Variants in SLC8A1 observed in about 807,000 individuals in gnomAD.
SLC8A1 encodes the protein solute carrier family 8 member A1, also known as sodium/calcium exchanger 1.
Under a neutral mutation model 68.3 loss-of-function variants are expected in SLC8A1, and 18 were observed. The ratio of observed to expected loss-of-function variants is 0.26; its 90% CI spans 0.18 to 0.39. The LOEUF (loss-of-function observed/expected upper bound fraction) is 0.39. SLC8A1 is among the 10% of genes least tolerant of loss of function. The pLI is 1.00. For synonymous variants in SLC8A1, 475 were observed against 415.5 expected, an observed-to-expected ratio of 1.14 and a Z score of -1.74; for missense variants, 985 against 1,156.7, an observed-to-expected ratio of 0.85 and a Z score of 2.15.
chr2:40,374,430 T>C (rs554105212), intron 2 of SLC8A1, among the ~76,000 whole-genome samples: 1 of 151,908 alleles, frequency 6.6e-6, no homozygotes. Context: ...AAATAATTTA[T>C]ATATGGAAAG....
chr2:40,209,155 C>G (rs2148762339), intron 2 of SLC8A1: 1 of 151,846 alleles, frequency 6.6e-6, no homozygotes, highest in Admixed American at 6.6e-5. Context: ...TACAGGAAAG[C>G]TAGGGAGATG....
chr2:40,503,487 G>T (rs914293505), intron 1 of SLC8A1, among the ~76,000 whole-genome samples: 1 of 151,950 alleles, frequency 6.6e-6, no homozygotes, highest in Non-Finnish European at 1.5e-5. Context: ...GATATAAAGG[G>T]CATCCATATT....
At chr2:40,212,281 A>ATTTTTT (rs371395367) in intron 2 of SLC8A1, among the ~76,000 whole-genome samples, 1 of 118,212 alleles carries the variant, frequency 8.5e-6, no homozygotes, top group East Asian at 2.2e-4. Flanking sequence ...GAGATGCAAT[A>ATTTTTT]TCTTTTTTTT....
intron 2 of SLC8A1, among the ~76,000 whole-genome samples, chr2:40,293,305 T>C (rs17025769): frequency 0.28 from 42,634 of 151,874 alleles, 6,061 homozygotes; most frequent in East Asian, 0.38. Context: ...GAAGTAGGAG[T>C]TACATAAATA....
At chr2:40,368,535 T>TA (rs946541523) in intron 2 of SLC8A1, among the ~76,000 whole-genome samples, 3 of 152,000 alleles carry the variant, frequency 2.0e-5, no homozygotes, top group South Asian at 2.1e-4. Flanking sequence ...TGATTTTATT[T>TA]AAAAAAACAG....
upstream of SLC8A1, among the ~76,000 whole-genome samples, chr2:40,455,047 G>A (rs907395859): frequency 2.6e-5 from 4 of 152,162 alleles, no homozygotes; most frequent in Admixed American, 2.6e-4. Flanking sequence ...GGTCTCCACT[G>A]TTATCTAACC....
chr2:40,428,043 T>C (rs745588652), intron 2 of SLC8A1, among the ~76,000 whole-genome samples: 4 of 152,142 alleles, frequency 2.6e-5, no homozygotes, highest in Non-Finnish European at 5.9e-5. Context: ...GTGTTTCCTT[T>C]TTGGGTTTTC....
intron 1 of SLC8A1, among the ~76,000 whole-genome samples, chr2:40,444,242 G>A (rs1489284097): frequency 6.6e-6 from 1 of 152,150 alleles, no homozygotes; most frequent in African/African-American, 2.4e-5. Context: ...AGGAGGCTGA[G>A]CCAGGAGGAT....
intron 2 of SLC8A1, among the ~76,000 whole-genome samples, chr2:40,316,441 C>G (rs776419466): frequency 7.2e-5 from 11 of 151,962 alleles, no homozygotes; most frequent in Non-Finnish European, 2.9e-5. Flanking sequence ...TATAGGAACA[C>G]AAAATTTGGT....
At chr2:40,266,684 G>T (rs1298925485) in intron 2 of SLC8A1, among the ~76,000 whole-genome samples, 1 of 152,166 alleles carries the variant, frequency 6.6e-6, no homozygotes, top group Admixed American at 6.5e-5. Flanking sequence ...TGCACATTGT[G>T]TACCTCATCC....
chr2:40,364,761 CCTTA>C (rs1340180666), intron 2 of SLC8A1, among the ~76,000 whole-genome samples: 4 of 151,958 alleles, frequency 2.6e-5, no homozygotes, highest in Admixed American at 6.6e-5. Flanking sequence ...CCTGGAAAGC[CCTTA>C]CTTGTCAGCC....
intron 2 of SLC8A1, among the ~76,000 whole-genome samples, chr2:40,364,040 C>T (rs74567594): frequency 0.024 from 3,661 of 152,100 alleles, 54 homozygotes; most frequent in Non-Finnish European, 0.036. Flanking sequence ...TACCTCTGTA[C>T]TCATATCACT....
chr2:40,420,261 A>G (rs1416368497), intron 2 of SLC8A1, among the ~76,000 whole-genome samples: 1 of 152,158 alleles, frequency 6.6e-6, no homozygotes, highest in Non-Finnish European at 1.5e-5. Context: ...CCAGGGTCAC[A>G]GAATATGTTT....
chr2:40,488,070 C>G (rs1705083775), intron 1 of SLC8A1, among the ~76,000 whole-genome samples: 1 of 151,914 alleles, frequency 6.6e-6, no homozygotes, highest in Non-Finnish European at 1.5e-5. Flanking sequence ...AAATGAGTAT[C>G]TGAGTAAAAG....
chr2:40,430,785 C>T (rs1698108440), intron 1 of SLC8A1, among the ~76,000 whole-genome samples: 1 of 152,130 alleles, frequency 6.6e-6, no homozygotes, highest in Non-Finnish European at 1.5e-5. Context: ...CACCTTATTA[C>T]AATTGATGCT....
At chr2:40,399,912 C>T (rs923220725) in intron 2 of SLC8A1, among the ~76,000 whole-genome samples, 4 of 152,158 alleles carry the variant, frequency 2.6e-5, no homozygotes, top group Non-Finnish European at 4.4e-5. Flanking sequence ...GACCGCCCGG[C>T]GCCACACCCT....
intron 7 of SLC8A1, among the ~76,000 whole-genome samples, chr2:40,118,764 G>T (rs2036123372): frequency 6.6e-6 from 1 of 151,970 alleles, no homozygotes; most frequent in Non-Finnish European, 1.5e-5. Context: ...TGGTAGCACT[G>T]GCTGGTGGTG....
At chr2:40,254,808 A>G (rs1017345900) in intron 2 of SLC8A1, 2 of 152,220 alleles carry the variant, frequency 1.3e-5, no homozygotes, top group African/African-American at 4.8e-5. Flanking sequence ...TTACAGCAAT[A>G]TTAACATCTT....
intron 2 of SLC8A1, among the ~76,000 whole-genome samples, chr2:40,363,953 G>A (rs568161745): frequency 6.6e-6 from 1 of 151,712 alleles, no homozygotes; most frequent in Non-Finnish European, 1.5e-5. Context: ...ACTTCGGGGA[G>A]AAAAAAATGA....
Sources: allele counts gnomAD v4.1 joint callset (sites outside exome capture counted in the v4.1 genomes callset), GRCh38; gene constraint gnomAD v4.1.1; transcripts MANE v1.5; gene names NCBI Gene and HGNC (gene_info 2026-07-23, HGNC 2026-07-21).